Variants in USP34 observed in about 807,000 individuals in gnomAD.
The protein encoded by USP34 is ubiquitin specific peptidase 34.
In USP34, 70 loss-of-function variants were observed where a neutral mutation model predicts 460.3. The observed-to-expected ratio is 0.15, with a 90% CI of 0.13 to 0.19. The LOEUF (loss-of-function observed/expected upper bound fraction) is 0.19, where lower values mean the gene tolerates loss of function less well. Among genes scored for constraint, USP34 ranks in the 10% least tolerant of loss-of-function variants. The pLI is 1.00. For missense variants in USP34, 3,985 were observed against 4,236.2 expected (o/e 0.94, Z 1.65); for synonymous variants, 1,647 against 1,405.3 (o/e 1.17, Z -3.85).
Position 61,220,467 on chromosome 2 carries a change from A to C in USP34, c.7900-10T>G. The C allele has an allele frequency of 6.2e-7, 1 of 1,603,520 alleles. No homozygotes were observed. The highest frequency in any genetic ancestry group is 8.5e-7 in the Non-Finnish European group (1 of 1,175,618). On this transcript the variant is annotated splice_polypyrimidine_tract_variant and intron_variant, in intron 66 of 79. Coordinates refer to ENST00000398571, the MANE Select transcript of USP34 (RefSeq NM_014709.4). ...GATTGTATTCAATCACCTACAAATA[A>C]CATGACAAGAACAGAATATAAGGCC... is the stretch of plus-strand genomic sequence containing the variant.
intron 27 of USP34, among the ~76,000 whole-genome samples, chr2:61,303,654 T>G (rs1690307938): frequency 6.6e-6 from 1 of 151,866 alleles, no homozygotes. Flanking sequence ...TGGAGTGCAG[T>G]GGCACAATCT....
At position 61,348,149 on chromosome 2, in the gene USP34, C is replaced by A; in HGVS notation, c.2006G>T (p.Ser669Ile). The change falls in exon 15 of 80, where the codon AGC becomes ATC. Residue 669 changes from serine (S) to isoleucine (I), a missense_variant. Around this residue, in one of 14 missense-constraint regions of USP34, gnomAD observed 716 missense variants for 626.2 expected, o/e 1.14. Coordinates refer to ENST00000398571, the MANE Select transcript of USP34 (RefSeq NM_014709.4). ...AAAAACCAGGTCCTTTCCTGTTCCG[C>A]TGCTTGTCCCATTTCTTTCTGACAT... Reference protein sequence around the residue: ...QGMSERNGTSSGTGKDLVFNT... With the variant: ...QGMSERNGTSIGTGKDLVFNT... 1 of 1,614,218 alleles carries A rather than the reference C, an allele frequency of 6.2e-7. No homozygotes were observed. The highest frequency in any genetic ancestry group is 8.5e-7 in the Non-Finnish European group (1 of 1,180,036).
chr2:61,225,285 A>T (rs1687694565), intron 62 of USP34, among the ~76,000 whole-genome samples: 1 of 152,118 alleles, frequency 6.6e-6, no homozygotes, highest in African/African-American at 2.4e-5. Flanking sequence ...TATTTGTTTC[A>T]TCCTGTAATA....
intron 44 of USP34, among the ~76,000 whole-genome samples, 196 bp downstream of exon 44, chr2:61,259,515 G>T (rs1688814530): frequency 6.6e-6 from 1 of 151,328 alleles, no homozygotes; most frequent in African/African-American, 2.4e-5. Flanking sequence ...AGTCTCCTAA[G>T]CAGCCGGGAC....
At chr2:61,402,275 G>A (rs967295694) in intron 3 of USP34, among the ~76,000 whole-genome samples, 4 of 152,028 alleles carry the variant, frequency 2.6e-5, no homozygotes, top group African/African-American at 9.7e-5. Flanking sequence ...GCAAGACCCT[G>A]TCTCTTAAGG....
At chr2:61,449,944 T>C (rs1250037513) in intron 1 of USP34, among the ~76,000 whole-genome samples, 1 of 152,194 alleles carries the variant, frequency 6.6e-6, no homozygotes, top group African/African-American at 2.4e-5. Flanking sequence ...CGCACGCCTG[T>C]AGTCCCAGCT....
chr2:61,367,679 G>T lies in USP34; in HGVS notation c.1251+2642C>A, dbSNP rs185232233. The stretch of plus-strand genomic sequence containing the variant: ...GCAACATAATGGAAGAAATATAATT[G>T]AAGAAATCACAATTTATAATAGCAA... On this transcript the variant is annotated intron_variant, in intron 10 of 79. Transcript: ENST00000398571. Among the ~76,000 whole-genome samples the T allele has an allele frequency of 6.1e-4, 93 of 151,988 alleles. 1 individual carries two copies. Among genetic ancestry groups the T allele is most frequent in the African/African-American group, 2.0e-3 (83 of 41,452 alleles).
chr2:61,367,757 A>C (rs1019286823), intron 10 of USP34, among the ~76,000 whole-genome samples: 8 of 152,088 alleles, frequency 5.3e-5, no homozygotes, highest in African/African-American at 1.9e-4. Flanking sequence ...ATCTATATAC[A>C]AATAACTTTG....
At position 61,241,644 on chromosome 2, in the gene USP34, T is replaced by C. The variant is rs761789028; in HGVS notation, c.6693A>G (p.Ala2231=). 6.9e-6 allele frequency: 11 copies of C among 1,592,460 alleles called. No individual in the cohort carries two copies. Among genetic ancestry groups the C allele is most frequent in the African/African-American group, 4.1e-5 (3 of 73,328 alleles). ...MDFSFEKTHS[A]YMLFYKRMEP... Reference sequence around the variant, plus strand: ...CCATGCGTTTGTAAAACAGCATATATGCACTGTGTGTCTTTAAGAGGCAAG... The same window carrying C: ...CCATGCGTTTGTAAAACAGCATATACGCACTGTGTGTCTTTAAGAGGCAAG... The change falls in exon 53 of 80, where the codon GCA becomes GCG. Residue 2231 remains alanine (A), a synonymous_variant. Transcript: ENST00000398571.
intron 2 of USP34, among the ~76,000 whole-genome samples, chr2:61,419,557 C>G (rs192262909): frequency 9.7e-4 from 147 of 152,186 alleles, no homozygotes; most frequent in Non-Finnish European, 1.6e-3. Flanking sequence ...CATATAACTC[C>G]CACCCCATCT....
chr2:61,341,056 G>C (rs1323011757), intron 16 of USP34, among the ~76,000 whole-genome samples: 8 of 152,010 alleles, frequency 5.3e-5, no homozygotes, highest in Non-Finnish European at 1.0e-4. Flanking sequence ...AATTACTTTT[G>C]ACTGTTCTAG....
intron 53 of USP34, among the ~76,000 whole-genome samples, chr2:61,238,813 C>T (rs1688146611): frequency 1.3e-5 from 2 of 152,094 alleles, no homozygotes; most frequent in Admixed American, 6.5e-5. Context: ...CTTTACTGCA[C>T]TTTGCAGATG....
Position 61,339,466 on chromosome 2 carries a change from C to A in USP34, c.2629G>T (p.Glu877Ter). ...VQDEDAVNLSEGLINEAEKLL... is the reference protein window; with the variant it reads ...VQDEDAVNLS ...TTCTCTGCTTCATTTATTAATCCTT[C>A]AGAAAGATTAACCTATAAAAAATGT... The change falls in exon 18 of 80, where the codon GAA (glutamate) becomes TAA (stop). Residue 877 changes from glutamate to a stop codon, truncating the protein, a stop_gained. Transcript: ENST00000398571. LOFTEE classifies it high-confidence loss of function. The A allele has an allele frequency of 6.3e-7, 1 of 1,588,718 alleles. No individual in the cohort carries two copies. Among genetic ancestry groups the A allele is most frequent in the South Asian group, 1.2e-5 (1 of 86,010 alleles).
At position 61,288,897 on chromosome 2, in the gene USP34, G is replaced by A; in HGVS notation, c.4549-20C>T. The A allele has an allele frequency of 1.2e-6, 2 of 1,607,760 alleles. No homozygotes were observed. The highest frequency in any genetic ancestry group is 1.7e-6 in the Non-Finnish European group (2 of 1,178,158). ...CTGCCACTGTAAATGAGAAGAAATA[G>A]TCAATTCCCTATTTTCATTAATTTA... On this transcript the variant is annotated intron_variant, in intron 33 of 79. Transcript: ENST00000398571.
chr2:61,234,661 G>C (rs746254957), intron 57 of USP34, among the ~76,000 whole-genome samples: 1 of 152,124 alleles, frequency 6.6e-6, no homozygotes, highest in South Asian at 2.1e-4. Flanking sequence ...GTTAAATTGA[G>C]ACAGAGTCTC....
At chr2:61,362,225 A>G (rs1418450581) in intron 10 of USP34, among the ~76,000 whole-genome samples, 1 of 152,198 alleles carries the variant, frequency 6.6e-6, no homozygotes, top group East Asian at 1.9e-4. Context: ...AAACTGGTAC[A>G]GTCATTTTTG....
At chr2:61,338,171 A>T (rs1193850369) in intron 18 of USP34, among the ~76,000 whole-genome samples, 1 of 152,182 alleles carries the variant, frequency 6.6e-6, no homozygotes, top group East Asian at 1.9e-4. Flanking sequence ...AAGTACAAAA[A>T]TTAGCCAGCC....
intron 43 of USP34, among the ~76,000 whole-genome samples, chr2:61,261,835 T>C (rs896815615): frequency 3.9e-5 from 6 of 152,140 alleles, no homozygotes; most frequent in African/African-American, 1.2e-4. Flanking sequence ...CTGGGCGCGG[T>C]GGCTTACATC....
intron 1 of USP34, among the ~76,000 whole-genome samples, chr2:61,460,270 G>A (rs578075060): frequency 3.3e-5 from 5 of 152,182 alleles, no homozygotes; most frequent in South Asian, 2.1e-4. Context: ...TTGCCATTCC[G>A]AGTGGCATGA....
Sources: gnomAD v4.1 joint callset for allele counts (sites outside exome capture counted in the v4.1 genomes callset) on GRCh38, gnomAD v4.1.1 for gene constraint, gnomAD v4.1.1 regional missense constraint, MANE v1.5 for transcripts, NCBI Gene and HGNC (gene_info 2026-07-23, HGNC 2026-07-21) for gene names.